Variants in SLC8A3 observed in about 807,000 individuals in gnomAD.
SLC8A3 encodes solute carrier family 8 member A3.
A neutral mutation model predicts 65.4 loss-of-function variants in SLC8A3; 37 were observed. The ratio of observed to expected loss-of-function variants is 0.57; its 90% CI spans 0.44 to 0.74. The LOEUF is 0.74. SLC8A3 is among the 30% of genes least tolerant of loss of function. The pLI is 0.00. For missense variants in SLC8A3, 1,112 were observed against 1,172.1 expected (o/e 0.95, Z 0.75); for synonymous variants, 461 against 444.5 (o/e 1.04, Z -0.47).
chr14:70,101,849 A>G (rs1249824319), intron 2 of SLC8A3, among the ~76,000 whole-genome samples: 1 of 152,214 alleles, frequency 6.6e-6, no homozygotes, highest in East Asian at 1.9e-4. Context: ...ATTGTGGAGC[A>G]GGAAGATGGA....
chr14:70,103,364 G>C (rs1004754471), intron 2 of SLC8A3, among the ~76,000 whole-genome samples: 2 of 152,038 alleles, frequency 1.3e-5, no homozygotes, highest in Non-Finnish European at 2.9e-5. Context: ...AGCAGAACTG[G>C]TAAGTATGTA....
At chr14:70,069,773 G>C (rs192440074) in intron 2 of SLC8A3, among the ~76,000 whole-genome samples, 1 of 152,276 alleles carries the variant, frequency 6.6e-6, no homozygotes, top group East Asian at 1.9e-4. Context: ...TCTAATTGGC[G>C]TTCTCTTTAA....
chr14:70,097,175 G>A (rs1892234091), intron 2 of SLC8A3, among the ~76,000 whole-genome samples: 1 of 151,842 alleles, frequency 6.6e-6, no homozygotes, highest in Admixed American at 6.6e-5. Context: ...CAAACTAACT[G>A]GGAATATGGG....
chr14:70,137,881 G>A (rs1205637564), intron 2 of SLC8A3, among the ~76,000 whole-genome samples: 1 of 151,444 alleles, frequency 6.6e-6, no homozygotes, highest in African/African-American at 2.4e-5. Flanking sequence ...CTCCTTAGGG[G>A]AGAACGATGG....
intron 1 of SLC8A3, among the ~76,000 whole-genome samples, chr14:70,169,933 C>T (rs1021990019): frequency 6.6e-5 from 10 of 152,066 alleles, no homozygotes; most frequent in Non-Finnish European, 1.3e-4. Flanking sequence ...TATCCAATCA[C>T]TAAATCCTAT....
At chr14:70,067,924 G>C (rs1429796103) in intron 2 of SLC8A3, among the ~76,000 whole-genome samples, 1 of 152,158 alleles carries the variant, frequency 6.6e-6, no homozygotes, top group East Asian at 1.9e-4. Context: ...GCTACTCCTA[G>C]AGCCAGTAAT....
chr14:70,064,553 C>T (rs1278540538), intron 2 of SLC8A3, among the ~76,000 whole-genome samples: 4 of 140,924 alleles, frequency 2.8e-5, no homozygotes, highest in African/African-American at 8.2e-5. Context: ...GTGGTGGTGG[C>T]GGCGGCGGGG....
At chr14:70,125,768 A>T (rs138526891) in intron 2 of SLC8A3, among the ~76,000 whole-genome samples, 8 of 151,974 alleles carry the variant, frequency 5.3e-5, no homozygotes, top group African/African-American at 1.9e-4. Context: ...GCTTTTTTTT[A>T]AAAAAGAACA....
At chr14:70,091,537 A>T (rs1891803538) in intron 2 of SLC8A3, among the ~76,000 whole-genome samples, 1 of 152,112 alleles carries the variant, frequency 6.6e-6, no homozygotes, top group Non-Finnish European at 1.5e-5. Context: ...ATCCTATATC[A>T]GTTTCAATCT....
At chr14:70,095,282 T>A (rs767055206) in intron 2 of SLC8A3, among the ~76,000 whole-genome samples, 1 of 152,168 alleles carries the variant, frequency 6.6e-6, no homozygotes, top group African/African-American at 2.4e-5. Flanking sequence ...AAGAGGGCCC[T>A]AGGACCCCCT....
intron 2 of SLC8A3, among the ~76,000 whole-genome samples, chr14:70,101,141 C>T (rs933949076): frequency 3.9e-5 from 6 of 152,178 alleles, no homozygotes; most frequent in Non-Finnish European, 5.9e-5. Context: ...ATAAAAGAGG[C>T]AGGATTTCTG....
At chr14:70,179,190 T>C (rs1172344791) in intron 1 of SLC8A3, among the ~76,000 whole-genome samples, 1 of 152,188 alleles carries the variant, frequency 6.6e-6, no homozygotes, top group Non-Finnish European at 1.5e-5. Flanking sequence ...AGATGCCCCC[T>C]CTCTGAGAGG....
intron 2 of SLC8A3, among the ~76,000 whole-genome samples, chr14:70,113,527 T>G (rs1489830739): frequency 6.6e-6 from 1 of 152,220 alleles, no homozygotes; most frequent in Non-Finnish European, 1.5e-5. Flanking sequence ...GCCAAGTGTA[T>G]TAGAGCTGAG....
intron 1 of SLC8A3, among the ~76,000 whole-genome samples, chr14:70,181,829 G>A (rs569636080): frequency 2.0e-5 from 3 of 152,300 alleles, no homozygotes; most frequent in South Asian, 4.1e-4. Context: ...TCTTGTAACT[G>A]ATGAAAATGA....
intron 2 of SLC8A3, among the ~76,000 whole-genome samples, chr14:70,134,854 A>G (rs1479839152): frequency 6.6e-6 from 1 of 152,210 alleles, no homozygotes; most frequent in East Asian, 1.9e-4. Context: ...TGGAATTCAT[A>G]TGTTGAAGTC....
chr14:70,161,536 G>C (rs1471339963), intron 2 of SLC8A3, among the ~76,000 whole-genome samples: 2 of 152,142 alleles, frequency 1.3e-5, no homozygotes, highest in African/African-American at 4.8e-5. Flanking sequence ...TACCTAAAGA[G>C]AAGGAGGACT....
chr14:70,049,176 G>A (rs1172511396), intron 5 of SLC8A3, 134 bp from the exon 6 acceptor site: 3 of 890,252 alleles, frequency 3.4e-6, no homozygotes, highest in Non-Finnish European at 5.1e-6. Context: ...GCAGCTGGTG[G>A]GGGCCAGGGC....
At position 70,060,838 on chromosome 14, in the gene SLC8A3, G is replaced by A; in HGVS notation, c.1886C>T (p.Ser629Leu). 2 of 1,419,732 alleles carry A rather than the reference G, an allele frequency of 1.4e-6. No individual in the cohort carries two copies. The highest frequency in any genetic ancestry group is 2.0e-6 in the Non-Finnish European group (2 of 1,022,542). 87.9% of individuals were successfully genotyped at this position (1,419,732 alleles called of 1,614,324 possible). Residue 629 changes from serine (S) to leucine (L), a missense_variant and splice_region_variant, in exon 3 of 7, where the codon TCA becomes TTA. By Grantham distance (145) the Ser-to-Leu change is moderately radical. Transcript: ENST00000356921. ...TTTGTTTTTAAAGAATCTCACACCT[G>A]ATATTCCACGTTCCATCCATTTCGG... The part of the protein sequence containing the change: ...GEPKWMERGI[S>L]DVTDRKLTME...
rs75173500 is a variant in SLC8A3, at chr14:70,128,307, A to G, written c.1784+38332T>C. On this transcript the variant is annotated intron_variant, in intron 2 of 6. Coordinates refer to ENST00000356921, the MANE Select transcript of SLC8A3 (RefSeq NM_182932.3). ...AACTTTTCTAGAATACAGATCTATC[A>G]TGTCACCCTATGGCTTAGAAACCTC... 9.7e-3 allele frequency among the ~76,000 whole-genome samples: 1,472 copies of G among 152,258 alleles called. 23 individuals carry two copies. The highest frequency in any genetic ancestry group is 0.033 in the African/African-American group (1,376 of 41,544).
Sources: gnomAD v4.1 joint callset for allele counts (sites outside exome capture counted in the v4.1 genomes callset) on GRCh38, gnomAD v4.1.1 for gene constraint, MANE v1.5 for transcripts, NCBI Gene and HGNC (gene_info 2026-07-23, HGNC 2026-07-21) for gene names.